Variants in CCDC88A observed in about 807,000 individuals in gnomAD.
CCDC88A encodes the protein coiled-coil and HOOK domain protein 88A.
In CCDC88A, 54 loss-of-function variants were observed where a neutral mutation model predicts 234.3. The observed-to-expected ratio is 0.23, with a 90% CI of 0.19 to 0.29. The LOEUF is 0.29. Among genes scored for constraint, CCDC88A ranks in the 10% least tolerant of loss-of-function variants. The pLI is 1.00. For synonymous variants in CCDC88A, 753 were observed against 737.8 expected, an observed-to-expected ratio of 1.02 and a Z score of -0.33; for missense variants, 1,832 against 2,123.4, an observed-to-expected ratio of 0.86 and a Z score of 2.70.
At chr2:55,314,409 T>G (rs1393053597) in intron 22 of CCDC88A, 2 of 152,216 alleles carry the variant, frequency 1.3e-5, no homozygotes, top group Admixed American at 6.5e-5. Flanking sequence ...GAACAATTTT[T>G]TTTGTTTGTT....
At chr2:55,371,441 C>T (rs3791652) in intron 5 of CCDC88A, among the ~76,000 whole-genome samples, 46,173 of 151,990 alleles carry the variant, frequency 0.3, 7,422 homozygotes, top group East Asian at 0.55. Context: ...CCTCATTCCA[C>T]AAAGAAGTGA....
At chr2:55,319,097 T>C (rs946617312) in intron 18 of CCDC88A, 93 bp from the exon 19 acceptor site, 31 of 966,154 alleles carry the variant, frequency 3.2e-5, no homozygotes, top group Non-Finnish European at 4.4e-5. Context: ...CAATGAGTAT[T>C]TATTAGCATT....
At chr2:55,343,509 A>G in intron 12 of CCDC88A, 139 bp downstream of exon 12, 1 of 638,494 alleles carries the variant, frequency 1.6e-6, no homozygotes, top group Non-Finnish European at 2.6e-6. Flanking sequence ...CAAACAATAT[A>G]TTACTGTGTG....
chr2:55,375,151 GGGT>G (rs147917017), intron 3 of CCDC88A, among the ~76,000 whole-genome samples: 2,362 of 152,150 alleles, frequency 0.016, 69 homozygotes, highest in African/African-American at 0.054. Context: ...TGGAAAGCCA[GGGT>G]GGGAGGATCA....
At chr2:55,321,491 C>T (rs112886792) in intron 18 of CCDC88A, among the ~76,000 whole-genome samples, 1 of 151,946 alleles carries the variant, frequency 6.6e-6, no homozygotes, top group African/African-American at 2.4e-5. Context: ...GCAGAGCTGG[C>T]AGTGAGCCGA....
chr2:55,388,455 A>C (rs532125979), intron 3 of CCDC88A: 1 of 158,618 alleles, frequency 6.3e-6, no homozygotes, highest in East Asian at 1.8e-4. Context: ...TTTTTAAAAA[A>C]AATGGAAGTA....
intron 25 of CCDC88A, among the ~76,000 whole-genome samples, chr2:55,303,923 T>C (rs781676892): frequency 3.3e-5 from 5 of 152,176 alleles, no homozygotes; most frequent in Non-Finnish European, 5.9e-5. Flanking sequence ...AAAACAAAAA[T>C]AACTTAGGAA....
intron 4 of CCDC88A, among the ~76,000 whole-genome samples, chr2:55,373,881 G>C (rs1257620358): frequency 6.6e-6 from 1 of 152,046 alleles, no homozygotes; most frequent in East Asian, 1.9e-4. Context: ...ACACTAATTT[G>C]GATAACATGT....
chr2:55,408,350 G>T (rs1679944549), intron 2 of CCDC88A, among the ~76,000 whole-genome samples: 1 of 152,002 alleles, frequency 6.6e-6, no homozygotes, highest in East Asian at 1.9e-4. Flanking sequence ...TCGAATAGGG[G>T]CTAGGTAAAA....
chr2:55,302,907 G>T (rs1354574666), intron 26 of CCDC88A, 162 bp downstream of exon 26: 1 of 558,538 alleles, frequency 1.8e-6, no homozygotes, highest in East Asian at 2.9e-5. Context: ...TGCAAATTCA[G>T]TGCCACTTGA....
Position 55,317,540 on chromosome 2 carries a change from G to A in CCDC88A, c.3602+24C>T, listed in dbSNP as rs1683136915. On this transcript the variant is annotated intron_variant, in intron 20 of 32. Coordinates refer to ENST00000436346, the MANE Select transcript of CCDC88A (RefSeq NM_001365480.1). The surrounding 1 kb of genome is among the most constrained non-coding windows in gnomAD (Gnocchi z 4.2). ...GAAGAAAATTCATTTTAAATTCACA[G>A]TACAACAAAATATAATAAATTACCG... 3.3e-6 allele frequency: 5 copies of A among 1,494,696 alleles called. No homozygotes were observed. The highest frequency in any genetic ancestry group is 4.6e-5 in the East Asian group (2 of 43,488). 92.6% of individuals were successfully genotyped at this position (1,494,696 alleles called of 1,614,324 possible). A position where few individuals can be genotyped will look rare whatever the true frequency, so the allele number is the denominator to read the frequency against.
intron 3 of CCDC88A, among the ~76,000 whole-genome samples, chr2:55,383,073 GA>G (rs10544955): frequency 0.02 from 2,867 of 144,786 alleles, 45 homozygotes; most frequent in Admixed American, 0.057. Context: ...TCATAAAAAT[GA>G]AAAAAAAAAA....
At chr2:55,395,534 T>C (rs1677379025) in intron 2 of CCDC88A, among the ~76,000 whole-genome samples, 1 of 152,238 alleles carries the variant, frequency 6.6e-6, no homozygotes, top group Non-Finnish European at 1.5e-5. Flanking sequence ...TATTCATGTT[T>C]TTATTTCTAA....
chr2:55,344,861 G>A lies in CCDC88A; in HGVS notation c.1042-347C>T, dbSNP rs1311551617. ...GGAATCAAGGCTTAATGTATTGACT[G>A]AAATAGATTTAAATATTTCTCTGTA... On this transcript the variant is annotated intron_variant, in intron 10 of 32. Transcript: ENST00000436346. Among the ~76,000 whole-genome samples, 4 of 152,276 alleles carry A rather than the reference G, an allele frequency of 2.6e-5. No individual in the cohort carries two copies. In the East Asian group the frequency reaches 7.7e-4, roughly 29 times the overall value.
In CCDC88A at chr2:55,301,205, C is replaced by T. The variant is rs1478781402; in HGVS notation, c.4744+1G>A. 1 of 1,555,378 alleles carries T rather than the reference C, an allele frequency of 6.4e-7. No homozygotes were observed. The highest frequency in any genetic ancestry group is 8.8e-7 in the Non-Finnish European group (1 of 1,130,604). ...TCTCTAAATAAGGTTCATTATCTTA[C>T]CATGAACTCTTGATCCCGTACTAGA... is the stretch of plus-strand genomic sequence containing the variant. On this transcript the variant is annotated splice_donor_variant, in intron 28 of 32. Transcript: ENST00000436346. LOFTEE classifies it high-confidence loss of function.
At chr2:55,367,806 C>T (rs3099078) in intron 5 of CCDC88A, among the ~76,000 whole-genome samples, 67,300 of 151,382 alleles carry the variant, frequency 0.44, 16,277 homozygotes, top group East Asian at 0.85. Context: ...CAAATACTAA[C>T]GGTAGATTCC....
intron 9 of CCDC88A, among the ~76,000 whole-genome samples, chr2:55,348,242 G>A (rs959417109): frequency 1.3e-5 from 2 of 151,994 alleles, no homozygotes; most frequent in South Asian, 4.1e-4. Context: ...TAGGATTATA[G>A]GCATGAGCCA....
At chr2:55,341,535 C>T (rs776685591) in intron 12 of CCDC88A, among the ~76,000 whole-genome samples, 1 of 151,328 alleles carries the variant, frequency 6.6e-6, no homozygotes, top group African/African-American at 2.4e-5. Context: ...ACTTCTGCCT[C>T]ACGGGTTCAA....
chr2:55,296,028 A>G lies in CCDC88A; in HGVS notation c.5120T>C (p.Leu1707Ser), dbSNP rs1378792841. The G allele has an allele frequency of 1.2e-6, 2 of 1,606,274 alleles. No homozygotes were observed. Among genetic ancestry groups the G allele is most frequent in the East Asian group, 2.2e-5 (1 of 44,844 alleles). ...QIKSSSQENL[L>S]DEVMKSLSVS... is the part of the protein sequence containing the mutation. Reference sequence around the variant, plus strand: ...AGACAAACTTTTCATTACTTCATCTAAAAGATTCTCTTGACTTGAGGACTT... The same window carrying G: ...AGACAAACTTTTCATTACTTCATCTGAAAGATTCTCTTGACTTGAGGACTT... The change falls in exon 31 of 33, where the codon TTA becomes TCA. Residue 1707 changes from leucine to serine, a missense_variant. Coordinates refer to ENST00000436346, the MANE Select transcript of CCDC88A (RefSeq NM_001365480.1).
Sources: gnomAD v4.1 joint callset for allele counts (sites outside exome capture counted in the v4.1 genomes callset) on GRCh38, gnomAD v4.1.1 for gene constraint, Gnocchi (gnomAD v3.1) non-coding constraint, MANE v1.5 for transcripts, NCBI Gene and HGNC (gene_info 2026-07-23, HGNC 2026-07-21) for gene names.